The following TPD52L1 variants were observed in gnomAD, a reference collection of about 807,000 sequenced individuals.
TPD52L1 encodes the protein TPD52 like 1.
Under a neutral mutation model 28.7 loss-of-function variants are expected in TPD52L1, and 18 were observed. The observed-to-expected ratio is 0.63, with a 90% confidence interval of 0.43 to 0.93. The LOEUF (loss-of-function observed/expected upper bound fraction) is 0.93. Among genes scored for constraint, TPD52L1 ranks in the 40% least tolerant of loss-of-function variants. TPD52L1 has a pLI of 0.00. For missense variants in TPD52L1, 203 were observed against 254.8 expected (o/e 0.80, Z 1.39); for synonymous variants, 75 against 88.8 (o/e 0.84, Z 0.88).
intron 1 of TPD52L1, among the ~76,000 whole-genome samples, chr6:125,203,014 C>A (rs2114904663): frequency 6.6e-6 from 1 of 152,178 alleles, no homozygotes; most frequent in East Asian, 1.9e-4. Context: ...GATCCACCCA[C>A]CTTGGCTTCT....
rs758623258 is a variant in TPD52L1 at position 125,156,463 on chromosome 6, C to CAAAAAAAAAAAAAAAAA, written c.19+2494_19+2510dup. 3.4e-3 allele frequency among the ~76,000 whole-genome samples: 127 copies of CAAAAAAAAAAAAAAAAA among 37,146 alleles called. 3 individuals carry two copies. The highest frequency in any genetic ancestry group is 0.028 in the East Asian group (45 of 1,606). The allele number at this position is 37,146 out of a possible 152,430, so 24.4% of individuals were successfully genotyped here. On this transcript the variant is annotated intron_variant, in intron 1 of 6. Coordinates refer to ENST00000534000, the MANE Select transcript of TPD52L1 (RefSeq NM_003287.4). ...TCTGGACAAGAGTGAGACCTTGTCT[C>CAAAAAAAAAAAAAAAAA]AAAAAAAAAAAAAAAAAGAGAGAGA...
chr6:125,248,854 CT>C, intron 4 of TPD52L1, among the ~76,000 whole-genome samples: 1 of 152,136 alleles, frequency 6.6e-6, no homozygotes, highest in South Asian at 2.1e-4. Context: ...ATATACACTT[CT>C]GGTAGTTTTC....
chr6:125,244,706 T>A (rs1404598274), intron 3 of TPD52L1, among the ~76,000 whole-genome samples: 1 of 152,150 alleles, frequency 6.6e-6, no homozygotes, highest in Non-Finnish European at 1.5e-5. Context: ...AGCCCAACTG[T>A]GTCTGCAGTA....
intron 3 of TPD52L1, 127 bp from the exon 4 acceptor site, chr6:125,248,155 G>C (rs1470492746): frequency 1.3e-6 from 1 of 741,812 alleles, no homozygotes; most frequent in Non-Finnish European, 2.2e-6. Flanking sequence ...TGGAAACAGT[G>C]GTTTTGTGGA....
At chr6:125,200,009 C>T (rs2114893650) in intron 1 of TPD52L1, among the ~76,000 whole-genome samples, 1 of 152,322 alleles carries the variant, frequency 6.6e-6, no homozygotes, top group Admixed American at 6.5e-5. Flanking sequence ...AGGTGCTTTA[C>T]TGTGCTAAAC....
At chr6:125,248,596 T>C (rs1369444765) in intron 4 of TPD52L1, 1 of 506,092 alleles carries the variant, frequency 2.0e-6, no homozygotes, top group African/African-American at 1.9e-5. Context: ...GGTCCCAGAG[T>C]TGCTGTTTCT....
chr6:125,214,723 A>G (rs1386720072), intron 1 of TPD52L1, among the ~76,000 whole-genome samples: 1 of 152,164 alleles, frequency 6.6e-6, no homozygotes, highest in Non-Finnish European at 1.5e-5. Flanking sequence ...CTAGGAAAAT[A>G]TTACATTTTG....
chr6:125,165,092 A>ATATATATATATATATATATATATATATT lies in TPD52L1; in HGVS notation c.19+11129_19+11130insATATATATATATATATATATTTATATAT. On this transcript the variant is annotated intron_variant, in intron 1 of 6. Coordinates refer to ENST00000534000, the MANE Select transcript of TPD52L1 (RefSeq NM_003287.4). ...CCTGTCTCTTAAAAAAAAGATATATATATATATTTTAACTGTATATATATA... is the reference window on the plus strand; with the variant it reads ...CCTGTCTCTTAAAAAAAAGATATATATATATATATATATATATATATATATATTTATATATTTTAACTGTATATATATA... Among the ~76,000 whole-genome samples, 198 of 104,150 alleles carry ATATATATATATATATATATATATATATT rather than the reference A, an allele frequency of 1.9e-3. 7 individuals carry two copies. The highest frequency in any genetic ancestry group is 7.9e-3 in the East Asian group (33 of 4,188). 68.3% of individuals were successfully genotyped at this position (104,150 alleles called of 152,430 possible). A position where few individuals can be genotyped will look rare whatever the true frequency, so the allele number is the denominator to read the frequency against.
At chr6:125,157,833 C>T (rs1346618419) in intron 1 of TPD52L1, among the ~76,000 whole-genome samples, 1 of 152,154 alleles carries the variant, frequency 6.6e-6, no homozygotes, top group Non-Finnish European at 1.5e-5. Context: ...CCACAAACTT[C>T]GTGGCCTAAA....
intron 1 of TPD52L1, among the ~76,000 whole-genome samples, chr6:125,164,525 A>G (rs1437516131): frequency 6.6e-6 from 1 of 152,220 alleles, no homozygotes; most frequent in Non-Finnish European, 1.5e-5. Context: ...AATAAATAAA[A>G]GTCACAGGCT....
Position 125,263,147 on chromosome 6 carries a change from T to G in TPD52L1, c.*185T>G. ...GTATTTGTGTTGATGATGGACCACT[T>G]GACCATCACATTTCAGTATTCATAG... On this transcript the variant is annotated 3_prime_UTR_variant, in exon 7 of 7. Coordinates refer to ENST00000534000, the MANE Select transcript of TPD52L1 (RefSeq NM_003287.4). The G allele has an allele frequency of 1.5e-6, 1 of 660,546 alleles. No homozygotes were observed. Among genetic ancestry groups the G allele is most frequent in the African/African-American group, 1.8e-5 (1 of 55,220 alleles). 40.9% of individuals were successfully genotyped at this position (660,546 alleles called of 1,614,324 possible).
Position 125,263,089 on chromosome 6 carries a change from T to C in TPD52L1, c.*127T>C. 1 of 1,161,468 alleles carries C rather than the reference T, an allele frequency of 8.6e-7. No homozygotes were observed. The highest frequency in any genetic ancestry group is 1.7e-5 in the South Asian group (1 of 60,186). 71.9% of individuals were successfully genotyped at this position (1,161,468 alleles called of 1,614,324 possible). A position where few individuals can be genotyped will look rare whatever the true frequency, so the allele number is the denominator to read the frequency against. On this transcript the variant is annotated 3_prime_UTR_variant, in exon 7 of 7. Transcript: ENST00000534000. ...CCAGGCCTTGACATTGTTATTCAAATGGCCCCTCCAGAAAGTTTAATGATT... is the reference window on the plus strand; with the variant it reads ...CCAGGCCTTGACATTGTTATTCAAACGGCCCCTCCAGAAAGTTTAATGATT...
chr6:125,180,309 AAAAG>A (rs1444794240), intron 1 of TPD52L1, among the ~76,000 whole-genome samples: 1 of 152,194 alleles, frequency 6.6e-6, no homozygotes, highest in Non-Finnish European at 1.5e-5. Flanking sequence ...GGAAGATAGG[AAAAG>A]AAAGTCAGGC....
At chr6:125,258,515 A>T (rs1272515924) in intron 6 of TPD52L1, among the ~76,000 whole-genome samples, 2 of 152,206 alleles carry the variant, frequency 1.3e-5, no homozygotes, top group African/African-American at 4.8e-5. Context: ...CGACCCAATG[A>T]GGATGGGTTC....
chr6:125,235,484 T>C (rs776825189), intron 3 of TPD52L1, among the ~76,000 whole-genome samples: 25 of 152,168 alleles, frequency 1.6e-4, no homozygotes, highest in Non-Finnish European at 3.1e-4. Flanking sequence ...GTTGGGCTGC[T>C]TTCAAAGCTG....
chr6:125,257,151 G>A lies in TPD52L1; in HGVS notation c.479G>A (p.Ser160Asn). 6.2e-7 allele frequency: 1 copy of A among 1,611,588 alleles called. No individual in the cohort carries two copies. The highest frequency in any genetic ancestry group is 8.5e-7 in the Non-Finnish European group (1 of 1,178,210). The part of the protein sequence containing the change: ...FEERVETTVT[S>N]LKTKVGGTNP... ...GAGAGGGTTGAGACAACTGTCACAAGCCTCAAGGTACAGATGAAGTGAATT... is the reference window on the plus strand; with the variant it reads ...GAGAGGGTTGAGACAACTGTCACAAACCTCAAGGTACAGATGAAGTGAATT... The change falls in exon 6 of 7, where the codon AGC (serine) becomes AAC (asparagine). Residue 160 changes from serine to asparagine, a missense_variant. Ser to Asn is a conservative substitution (Grantham distance 46). Coordinates refer to ENST00000534000, the MANE Select transcript of TPD52L1 (RefSeq NM_003287.4).
At position 125,243,848 on chromosome 6, in the gene TPD52L1, C is replaced by T. The variant is rs150522164; in HGVS notation, c.285-4434C>T. On this transcript the variant is annotated intron_variant, in intron 3 of 6. Coordinates refer to ENST00000534000, the MANE Select transcript of TPD52L1 (RefSeq NM_003287.4). ...TCCATTCCTAGGGAGTTAGTGTGACCTTTCATGGGTGTTATAGAACCCTGG... is the reference window on the plus strand; with the variant it reads ...TCCATTCCTAGGGAGTTAGTGTGACTTTTCATGGGTGTTATAGAACCCTGG... 1.2e-3 allele frequency among the ~76,000 whole-genome samples: 180 copies of T among 152,148 alleles called. 1 individual carries two copies. The highest frequency in any genetic ancestry group is 1.8e-3 in the Admixed American group (28 of 15,286).
intron 1 of TPD52L1, among the ~76,000 whole-genome samples, chr6:125,186,227 T>C (rs1180991100): frequency 6.6e-6 from 1 of 152,132 alleles, no homozygotes; most frequent in East Asian, 1.9e-4. Context: ...CTGCAAACTT[T>C]CTCCGTAAAG....
intron 3 of TPD52L1, among the ~76,000 whole-genome samples, chr6:125,232,074 G>C (rs1196210343): frequency 3.9e-5 from 6 of 152,194 alleles, no homozygotes; most frequent in Non-Finnish European, 8.8e-5. Context: ...TATAGGCTGA[G>C]AGGACAACTC....
Sources: gnomAD v4.1 joint callset for allele counts (sites outside exome capture counted in the v4.1 genomes callset) on GRCh38, gnomAD v4.1.1 for gene constraint, MANE v1.5 for transcripts, NCBI Gene and HGNC (gene_info 2026-07-23, HGNC 2026-07-21) for gene names.